Variants in PDLIM1 observed in about 807,000 individuals in gnomAD.
The protein encoded by PDLIM1 is PDZ and LIM domain protein 1.
PDLIM1 carries 25 observed loss-of-function variants against 35.2 expected under a neutral mutation model. That is an observed-to-expected ratio of 0.71 (90% CI 0.52 to 0.99). PDLIM1 has a LOEUF of 0.99. Ranked by LOEUF, PDLIM1 falls within the 50% of genes least tolerant of loss-of-function variation. The pLI is 0.00. For synonymous variants in PDLIM1, 152 were observed against 154.0 expected (o/e 0.99, Z 0.10); for missense variants, 363 against 415.3 (o/e 0.87, Z 1.09).
chr10:95,247,133 G>A, intron 5 of PDLIM1, 82 bp downstream of exon 5: 1 of 1,247,568 alleles, frequency 8.0e-7, no homozygotes. Context: ...GCTCCAGAGT[G>A]TGTTCACCTG....
intron 5 of PDLIM1, among the ~76,000 whole-genome samples, chr10:95,244,194 A>G (rs2035200501): frequency 6.6e-6 from 1 of 152,316 alleles, no homozygotes; most frequent in South Asian, 2.1e-4. Context: ...GATGAAGGTG[A>G]GGAACCAAGG....
intron 1 of PDLIM1, among the ~76,000 whole-genome samples, chr10:95,274,545 C>T (rs1054793217): frequency 6.6e-6 from 1 of 152,036 alleles, no homozygotes; most frequent in African/African-American, 2.4e-5. Context: ...GATCCACCCA[C>T]CTCGGCCTCC....
intron 5 of PDLIM1, among the ~76,000 whole-genome samples, chr10:95,244,064 C>A (rs951287087): frequency 1.3e-5 from 2 of 152,046 alleles, no homozygotes; most frequent in African/African-American, 4.8e-5. Context: ...TACTTAATAC[C>A]ACTAAATTGT....
chr10:95,265,748 G>A (rs941119297), intron 3 of PDLIM1, among the ~76,000 whole-genome samples: 37 of 89,092 alleles, frequency 4.2e-4, no homozygotes, highest in African/African-American at 9.8e-4. Flanking sequence ...GACCCCATCC[G>A]TAAAAAAAAG....
chr10:95,280,692 A>AT (rs748488006), intron 1 of PDLIM1, among the ~76,000 whole-genome samples: 14 of 151,992 alleles, frequency 9.2e-5, no homozygotes, highest in Admixed American at 2.6e-4. Flanking sequence ...GCTTTGTTTT[A>AT]TTTTTTTCTT....
intron 5 of PDLIM1, chr10:95,238,971 T>C (rs759070010): frequency 1.3e-5 from 4 of 296,770 alleles, no homozygotes; most frequent in Non-Finnish European, 1.9e-5. Context: ...CAAACTATAT[T>C]ACAAGGCTAC....
intron 4 of PDLIM1, among the ~76,000 whole-genome samples, chr10:95,250,411 G>A (rs955287709): frequency 3.1e-4 from 46 of 150,704 alleles, no homozygotes; most frequent in African/African-American, 1.1e-3. Context: ...TTAAACCACT[G>A]GACAATTTAT....
At chr10:95,278,978 ACT>A (rs1443913554) in intron 1 of PDLIM1, among the ~76,000 whole-genome samples, 1 of 152,096 alleles carries the variant, frequency 6.6e-6, no homozygotes, top group Non-Finnish European at 1.5e-5. Flanking sequence ...GGTTCCTTTA[ACT>A]CTCTGGCTCA....
chr10:95,278,713 A>G (rs1383528787), intron 1 of PDLIM1, among the ~76,000 whole-genome samples: 1 of 152,220 alleles, frequency 6.6e-6, no homozygotes, highest in Non-Finnish European at 1.5e-5. Context: ...GAGACCAACA[A>G]AGAAATTGAA....
rs45565541 is a variant in PDLIM1 at position 95,277,640 on chromosome 10, AAAAATAAAAT to A, written c.97-5866_97-5857del. Reference sequence around the variant, plus strand: ...CCTGGGCAACAGAGTAAGAATGTCTAAAAATAAAATAAAATAAAATAAAACAGTAAACGGG... The same window carrying A: ...CCTGGGCAACAGAGTAAGAATGTCTAAAAATAAAATAAAACAGTAAACGGG... On this transcript the variant is annotated intron_variant, in intron 1 of 6. Transcript: ENST00000329399. 5.1e-4 allele frequency among the ~76,000 whole-genome samples: 77 copies of A among 150,246 alleles called. 1 individual carries two copies. The highest frequency in any genetic ancestry group is 1.6e-4 in the Non-Finnish European group (11 of 67,560).
intron 1 of PDLIM1, among the ~76,000 whole-genome samples, chr10:95,289,294 T>C (rs775910309): frequency 1.1e-4 from 17 of 152,320 alleles, no homozygotes; most frequent in Non-Finnish European, 1.9e-4. Context: ...CTGCAAGGAT[T>C]TACCCAGCCC....
intron 1 of PDLIM1, among the ~76,000 whole-genome samples, chr10:95,284,510 C>T (rs1000731226): frequency 6.6e-6 from 1 of 152,046 alleles, no homozygotes; most frequent in African/African-American, 2.4e-5. Context: ...CCTGCCACTA[C>T]GCCTGGCTAA....
chr10:95,266,678 C>T (rs1294198936), intron 3 of PDLIM1, among the ~76,000 whole-genome samples: 1 of 152,134 alleles, frequency 6.6e-6, no homozygotes, highest in Non-Finnish European at 1.5e-5. Context: ...TCCACCGAAA[C>T]ACATTTCCAA....
Position 95,248,311 on chromosome 10 carries a change from C to G in PDLIM1, c.534-945G>C, listed in dbSNP as rs904824211. 2.0e-5 allele frequency among the ~76,000 whole-genome samples: 3 copies of G among 152,230 alleles called. No individual in the cohort carries two copies. The East Asian group carries it at 5.8e-4, about 29-fold the overall frequency. On this transcript the variant is annotated intron_variant, in intron 4 of 6. Transcript: ENST00000329399. ...CCAGGCTGGAGTACAGTGGTGCAAT[C>G]ACAGGTAACTGTAACCTCGAACTAC... is the stretch of plus-strand genomic sequence containing the variant.
rs368767049 is a variant in PDLIM1 at position 95,247,203 on chromosome 10, G to A, written c.685+12C>T. ...TGAACAAGAGCCTCTGACTGCAGAT[G>A]GAGCTGATTACCTTTTTCTTCAGAC... On this transcript the variant is annotated intron_variant, in intron 5 of 6. Coordinates refer to ENST00000329399, the MANE Select transcript of PDLIM1 (RefSeq NM_020992.4). The A allele has an allele frequency of 3.3e-5, 53 of 1,605,230 alleles. No homozygotes were observed. Among genetic ancestry groups the A allele is most frequent in the Non-Finnish European group, 3.8e-5 (45 of 1,174,430 alleles).
At chr10:95,268,582 C>T (rs778217350) in intron 3 of PDLIM1, among the ~76,000 whole-genome samples, 196 bp downstream of exon 3, 2 of 152,202 alleles carry the variant, frequency 1.3e-5, no homozygotes, top group Non-Finnish European at 2.9e-5. Context: ...AGCGTCACTG[C>T]CCTGGGGTTT....
chr10:95,243,377 A>C (rs1242099497), intron 5 of PDLIM1, among the ~76,000 whole-genome samples: 1 of 152,178 alleles, frequency 6.6e-6, no homozygotes, highest in East Asian at 1.9e-4. Flanking sequence ...CTTACAGTGA[A>C]CCCTGTATCC....
At chr10:95,276,734 G>T (rs763197947) in intron 1 of PDLIM1, among the ~76,000 whole-genome samples, 1 of 151,952 alleles carries the variant, frequency 6.6e-6, no homozygotes, top group Non-Finnish European at 1.5e-5. Context: ...AGGAACAGGG[G>T]TTAAGCAGTT....
At chr10:95,253,936 T>C (rs917509705) in intron 4 of PDLIM1, among the ~76,000 whole-genome samples, 10 of 152,198 alleles carry the variant, frequency 6.6e-5, no homozygotes, top group Admixed American at 2.0e-4. Context: ...TGTGATAAGT[T>C]ATATATACAC....
Sources: allele counts gnomAD v4.1 joint callset (sites outside exome capture counted in the v4.1 genomes callset), GRCh38; gene constraint gnomAD v4.1.1; transcripts MANE v1.5; gene names NCBI Gene and HGNC (gene_info 2026-07-23, HGNC 2026-07-21).